RUNX1: variants seen among roughly 807,000 people sequenced by gnomAD.
RUNX1 encodes runt-related transcription factor 1.
In RUNX1, 19 loss-of-function variants were observed where a neutral mutation model predicts 42.8. That is an observed-to-expected ratio of 0.44 (90% CI 0.31 to 0.65). The LOEUF (loss-of-function observed/expected upper bound fraction) is 0.65, where lower values mean the gene tolerates loss of function less well. Among genes scored for constraint, RUNX1 ranks in the 30% least tolerant of loss-of-function variants. RUNX1 has a pLI of 0.07. For missense variants in RUNX1, 528 were observed against 672.0 expected, an observed-to-expected ratio of 0.79 and a Z score of 2.37; for synonymous variants, 271 against 289.4, an observed-to-expected ratio of 0.94 and a Z score of 0.64.
At position 35,040,608 on chromosome 21, in the gene RUNX1, C is replaced by T. The variant is rs1365589745; in HGVS notation, c.58+8234G>A. 2.0e-5 allele frequency among the ~76,000 whole-genome samples: 3 copies of T among 151,638 alleles called. No homozygotes were observed. In the East Asian group the frequency reaches 5.8e-4, roughly 29 times the overall value. Reference sequence around the variant, plus strand: ...CCAACATGGTGAAAACCTGTCTCTACTAAAAATACAAAAATTAGCCGGGCG... The same window carrying T: ...CCAACATGGTGAAAACCTGTCTCTATTAAAAATACAAAAATTAGCCGGGCG... On this transcript the variant is annotated intron_variant, in intron 2 of 8. Coordinates refer to ENST00000675419, the MANE Select transcript of RUNX1 (RefSeq NM_001754.5).
chr21:34,851,979 T>C (rs12483501), intron 6 of RUNX1, among the ~76,000 whole-genome samples: 55,608 of 151,984 alleles, frequency 0.37, 10,490 homozygotes, highest in Admixed American at 0.49. Context: ...CCATCCTGGC[T>C]AACACAGTGA....
intron 2 of RUNX1, among the ~76,000 whole-genome samples, chr21:34,982,854 C>T (rs1462415928): frequency 1.3e-5 from 2 of 152,202 alleles, no homozygotes; most frequent in African/African-American, 4.8e-5. Flanking sequence ...AGGTGTGAAC[C>T]ACTGCATGTG....
chr21:34,992,622 C>T (rs970995210), intron 2 of RUNX1, among the ~76,000 whole-genome samples: 1 of 151,310 alleles, frequency 6.6e-6, no homozygotes, highest in South Asian at 2.1e-4. Context: ...AAGAAAAACT[C>T]CCCTCTCAAA....
chr21:34,867,603 G>A (rs1207054669), intron 5 of RUNX1, among the ~76,000 whole-genome samples: 1 of 152,168 alleles, frequency 6.6e-6, no homozygotes, highest in Non-Finnish European at 1.5e-5. Context: ...GTGGAGGGGC[G>A]GGCCTCTTTA....
chr21:34,923,983 C>T (rs2058373591), intron 2 of RUNX1, among the ~76,000 whole-genome samples: 1 of 152,220 alleles, frequency 6.6e-6, no homozygotes, highest in Admixed American at 6.5e-5. Flanking sequence ...TCCACATCTC[C>T]TGTCTTCCCC....
chr21:34,959,122 G>C (rs961219176), intron 2 of RUNX1, among the ~76,000 whole-genome samples: 7 of 151,450 alleles, frequency 4.6e-5, no homozygotes, highest in Non-Finnish European at 1.0e-4. Flanking sequence ...AATGGGTGCA[G>C]CACACCAGCC....
At chr21:34,994,947 C>T (rs754835608) in intron 2 of RUNX1, among the ~76,000 whole-genome samples, 2 of 152,222 alleles carry the variant, frequency 1.3e-5, no homozygotes, top group South Asian at 2.1e-4. Flanking sequence ...ACCGCAACGC[C>T]ATTGCAGGCA....
At chr21:34,881,070 A>C (rs935849917) in intron 4 of RUNX1, among the ~76,000 whole-genome samples, 2 of 152,210 alleles carry the variant, frequency 1.3e-5, no homozygotes, top group Non-Finnish European at 2.9e-5. Flanking sequence ...CACATAGCAC[A>C]GTTGGAACAA....
At chr21:35,009,637 C>G (rs2059111189) in intron 2 of RUNX1, among the ~76,000 whole-genome samples, 1 of 152,210 alleles carries the variant, frequency 6.6e-6, no homozygotes. Context: ...ACAATGGGCA[C>G]TTCTCCCATT....
At chr21:35,017,573 T>G (rs1294627704) in intron 2 of RUNX1, among the ~76,000 whole-genome samples, 2 of 152,170 alleles carry the variant, frequency 1.3e-5, no homozygotes, top group African/African-American at 4.8e-5. Flanking sequence ...CTATCTGGTG[T>G]GACTTTGGAT....
Position 34,945,082 on chromosome 21 carries a change from T to C in RUNX1, c.59-52119A>G, listed in dbSNP as rs1298269785. ...GAGAACAGGCATGCCAATATAGATA[T>C]TATCAAGATGTATAATTTGCCAAAA... On this transcript the variant is annotated intron_variant, in intron 2 of 8. Coordinates refer to ENST00000675419, the MANE Select transcript of RUNX1 (RefSeq NM_001754.5). 2.0e-5 allele frequency among the ~76,000 whole-genome samples: 3 copies of C among 152,228 alleles called. No individual in the cohort carries two copies. The East Asian group carries it at 5.8e-4, about 29-fold the overall frequency.
At chr21:34,924,254 G>T (rs910949121) in intron 2 of RUNX1, among the ~76,000 whole-genome samples, 4 of 152,150 alleles carry the variant, frequency 2.6e-5, no homozygotes, top group Non-Finnish European at 5.9e-5. Flanking sequence ...GTTCATCTTT[G>T]ATGACCACTT....
chr21:34,906,078 G>A (rs1246801560), intron 2 of RUNX1, among the ~76,000 whole-genome samples: 1 of 152,196 alleles, frequency 6.6e-6, no homozygotes, highest in Non-Finnish European at 1.5e-5. Flanking sequence ...TCCCCTTTGA[G>A]ACAAAGTTTT....
intron 7 of RUNX1, chr21:34,821,505 GGGAGAAGGGACACGGA>G: frequency 1.3e-6 from 2 of 1,487,204 alleles, no homozygotes; most frequent in Non-Finnish European, 9.0e-7. Flanking sequence ...TTTGCAGAGG[GGGAGAAGGGACACGGA>G]GGAATTACAG....
intron 2 of RUNX1, among the ~76,000 whole-genome samples, chr21:35,018,078 T>C (rs867976529): frequency 3.9e-5 from 6 of 152,160 alleles, no homozygotes; most frequent in Admixed American, 1.3e-4. Context: ...CAGGCTGGAG[T>C]GCACTGGTGC....
intron 7 of RUNX1, among the ~76,000 whole-genome samples, chr21:34,808,454 G>A (rs2056713449): frequency 6.6e-6 from 1 of 152,096 alleles, no homozygotes; most frequent in African/African-American, 2.4e-5. Flanking sequence ...ACCTCGCCGG[G>A]GAAGCTTTGT....
intron 2 of RUNX1, among the ~76,000 whole-genome samples, chr21:35,035,741 C>T (rs1467847266): frequency 1.3e-5 from 2 of 152,338 alleles, no homozygotes; most frequent in Non-Finnish European, 1.5e-5. Flanking sequence ...GTTCCTCCCT[C>T]TCCCTCTCGT....
chr21:35,030,140 G>A (rs1286207454), intron 2 of RUNX1, among the ~76,000 whole-genome samples: 2 of 152,084 alleles, frequency 1.3e-5, no homozygotes, highest in Non-Finnish European at 2.9e-5. Context: ...TTAGGAGATC[G>A]AGACTATCCT....
intron 5 of RUNX1, 76 bp downstream of exon 5, chr21:34,880,481 G>T (rs1020134697): frequency 2.1e-6 from 3 of 1,417,102 alleles, no homozygotes; most frequent in Non-Finnish European, 3.0e-6. Flanking sequence ...TTCCATCACA[G>T]AAATCACTAG....
Sources: gnomAD v4.1 joint callset for allele counts (sites outside exome capture counted in the v4.1 genomes callset) on GRCh38, gnomAD v4.1.1 for gene constraint, MANE v1.5 for transcripts, NCBI Gene and HGNC (gene_info 2026-07-23, HGNC 2026-07-21) for gene names.